The following NAALADL2 variants were observed in gnomAD, a reference collection of about 807,000 sequenced individuals.
The protein encoded by NAALADL2 is N-acetylated alpha-linked acidic dipeptidase like 2.
A neutral mutation model predicts 87.2 loss-of-function variants in NAALADL2; 76 were observed. That is an observed-to-expected ratio of 0.87 (90% CI 0.72 to 1.05). NAALADL2 has a LOEUF of 1.05. Among genes scored for constraint, NAALADL2 ranks in the 50% least tolerant of loss-of-function variants. The probability of loss-of-function intolerance (pLI) is 0.00; values close to 1 mark genes in which losing one functional copy is unlikely to be tolerated. For missense variants in NAALADL2, 1,089 were observed against 945.8 expected, an observed-to-expected ratio of 1.15 and a Z score of -1.99; for synonymous variants, 354 against 331.0, an observed-to-expected ratio of 1.07 and a Z score of -0.75.
intron 9 of NAALADL2, among the ~76,000 whole-genome samples, chr3:175,492,140 A>G (rs1027751915): frequency 1.3e-5 from 2 of 152,134 alleles, no homozygotes; most frequent in Non-Finnish European, 2.9e-5. Context: ...TGTTCTTTTT[A>G]GTTTTGACAT....
intron 5 of NAALADL2, among the ~76,000 whole-genome samples, chr3:175,385,465 G>T (rs1768265636): frequency 6.6e-6 from 1 of 151,942 alleles, no homozygotes. Flanking sequence ...CACCCTTCTA[G>T]GTTCTTTGGC....
intron 13 of NAALADL2, among the ~76,000 whole-genome samples, chr3:175,791,449 C>T (rs974164660): frequency 6.6e-6 from 1 of 152,058 alleles, no homozygotes; most frequent in Non-Finnish European, 1.5e-5. Context: ...TTGGATGACC[C>T]CTCCCAGGAC....
intron 3 of NAALADL2, among the ~76,000 whole-genome samples, chr3:174,791,171 T>A: frequency 6.6e-6 from 1 of 152,220 alleles, no homozygotes; most frequent in East Asian, 1.9e-4. Context: ...AAACTTCTTA[T>A]GAAATTAAGT....
intron 3 of NAALADL2, among the ~76,000 whole-genome samples, chr3:174,802,160 A>G (rs1718921160): frequency 6.6e-6 from 1 of 152,030 alleles, no homozygotes; most frequent in African/African-American, 2.4e-5. Context: ...TTTATATTAA[A>G]CAATAATTAT....
intron 3 of NAALADL2, among the ~76,000 whole-genome samples, chr3:175,253,719 G>A (rs919300090): frequency 6.6e-6 from 1 of 152,180 alleles, no homozygotes; most frequent in Non-Finnish European, 1.5e-5. Context: ...GTTCGTGAGA[G>A]CAGGTCAAAA....
At chr3:174,994,474 A>G (rs1747160415) in intron 1 of NAALADL2, among the ~76,000 whole-genome samples, 1 of 152,116 alleles carries the variant, frequency 6.6e-6, no homozygotes, top group Admixed American at 6.6e-5. Flanking sequence ...AGCAGTAATG[A>G]TTATTTTTTT....
At chr3:174,828,554 T>A (rs74760517) in intron 3 of NAALADL2, among the ~76,000 whole-genome samples, 2,809 of 152,246 alleles carry the variant, frequency 0.018, 95 homozygotes, top group African/African-American at 0.065. Flanking sequence ...TCAGAAAGAC[T>A]GAAACTAATT....
chr3:174,835,425 G>A (rs1723209464), intron 3 of NAALADL2, among the ~76,000 whole-genome samples: 1 of 152,016 alleles, frequency 6.6e-6, no homozygotes, highest in African/African-American at 2.4e-5. Context: ...ATAGGGAAAT[G>A]CCTTCTGACA....
At chr3:175,527,592 G>A (rs1044107870) in intron 9 of NAALADL2, among the ~76,000 whole-genome samples, 5 of 152,076 alleles carry the variant, frequency 3.3e-5, no homozygotes, top group Non-Finnish European at 7.4e-5. Context: ...AAATCGCTGA[G>A]TTAGAAAAGG....
intron 1 of NAALADL2, among the ~76,000 whole-genome samples, chr3:175,023,060 T>C (rs1279267048): frequency 1.3e-5 from 2 of 152,130 alleles, no homozygotes; most frequent in Admixed American, 6.6e-5. Flanking sequence ...TGTACTGAAG[T>C]CATTATTTGC....
intron 2 of NAALADL2, among the ~76,000 whole-genome samples, chr3:174,575,971 A>G (rs899745829): frequency 6.6e-6 from 1 of 151,976 alleles, no homozygotes; most frequent in African/African-American, 2.4e-5. Context: ...TAAAGCGATG[A>G]TCCTGCCTCA....
chr3:174,870,417 C>T (rs543169875), intron 1 of NAALADL2, among the ~76,000 whole-genome samples: 2 of 152,098 alleles, frequency 1.3e-5, no homozygotes, highest in East Asian at 3.9e-4. Context: ...ATGTGGTATA[C>T]CTATGAGACT....
At chr3:174,837,172 CA>C (rs1016689039) in intron 3 of NAALADL2, among the ~76,000 whole-genome samples, 2 of 150,600 alleles carry the variant, frequency 1.3e-5, no homozygotes, top group East Asian at 2.0e-4. Context: ...GAAATTGAAA[CA>C]AAAAAAATAC....
At chr3:175,055,599 A>G (rs1161374142) in intron 1 of NAALADL2, among the ~76,000 whole-genome samples, 1 of 152,222 alleles carries the variant, frequency 6.6e-6, no homozygotes, top group Non-Finnish European at 1.5e-5. Flanking sequence ...CAGGCTCCTC[A>G]TGGCGTTTCC....
At chr3:175,409,979 T>C (rs1402079001) in intron 5 of NAALADL2, among the ~76,000 whole-genome samples, 1 of 152,080 alleles carries the variant, frequency 6.6e-6, no homozygotes, top group Non-Finnish European at 1.5e-5. Context: ...GAAGTAGATA[T>C]TATTTAAAAG....
chr3:175,638,163 A>T (rs1194739009), intron 11 of NAALADL2, among the ~76,000 whole-genome samples: 1 of 147,334 alleles, frequency 6.8e-6, no homozygotes, highest in Non-Finnish European at 1.5e-5. Flanking sequence ...TCTAAATTCA[A>T]TACATAAACA....
chr3:175,216,626 A>G (rs1002050822), intron 2 of NAALADL2, among the ~76,000 whole-genome samples: 6 of 151,070 alleles, frequency 4.0e-5, no homozygotes, highest in African/African-American at 1.5e-4. Flanking sequence ...CTCCCATTCC[A>G]GCAGATGTTG....
intron 13 of NAALADL2, chr3:175,773,141 T>C (rs983825557): frequency 6.6e-6 from 1 of 152,130 alleles, no homozygotes; most frequent in Admixed American, 6.6e-5. Context: ...AAAACCTTAC[T>C]GAAAGGTATC....
chr3:174,758,613 C>T (rs796488545), intron 3 of NAALADL2, among the ~76,000 whole-genome samples: 4 of 152,300 alleles, frequency 2.6e-5, no homozygotes, highest in African/African-American at 9.6e-5. Context: ...CCAGTTTTGC[C>T]TTAGGCTTGC....
Sources: allele counts gnomAD v4.1 joint callset (sites outside exome capture counted in the v4.1 genomes callset), GRCh38; gene constraint gnomAD v4.1.1; transcripts MANE v1.5; gene names NCBI Gene and HGNC (gene_info 2026-07-23, HGNC 2026-07-21).